MDGA2: variants seen among roughly 807,000 people sequenced by gnomAD.
The protein encoded by MDGA2 is MAM domain containing glycosylphosphatidylinositol anchor 2, also known as MAM domain-containing glycosylphosphatidylinositol anchor protein 2.
MDGA2 carries 40 observed loss-of-function variants against 117.8 expected under a neutral mutation model. The ratio of observed to expected loss-of-function variants is 0.34; its 90% CI spans 0.26 to 0.44. MDGA2 has a LOEUF of 0.44. MDGA2 is among the 20% of genes least tolerant of loss of function. The pLI is 1.00. For missense variants in MDGA2, 1,123 were observed against 1,250.6 expected, an observed-to-expected ratio of 0.90 and a Z score of 1.54; for synonymous variants, 452 against 439.0, an observed-to-expected ratio of 1.03 and a Z score of -0.37.
chr14:47,442,607 G>A (rs1223853636), intron 1 of MDGA2, among the ~76,000 whole-genome samples: 1 of 152,018 alleles, frequency 6.6e-6, no homozygotes, highest in Non-Finnish European at 1.5e-5. Flanking sequence ...TTTCCTACTT[G>A]GGCAAACAAA....
At chr14:47,165,539 G>C (rs1268674115) in intron 3 of MDGA2, among the ~76,000 whole-genome samples, 1 of 152,112 alleles carries the variant, frequency 6.6e-6, no homozygotes, top group East Asian at 1.9e-4. Context: ...GGGGAGGTAA[G>C]GGATAAAGGT....
At chr14:47,600,333 C>T (rs1027901182) in intron 1 of MDGA2, among the ~76,000 whole-genome samples, 2 of 151,854 alleles carry the variant, frequency 1.3e-5, no homozygotes, top group Non-Finnish European at 2.9e-5. Flanking sequence ...ACTAGAGAGG[C>T]TGAGGCATGA....
In MDGA2 at chr14:47,217,508, T is replaced by C. The variant is rs1886136718; in HGVS notation, c.595+513A>G. Among the ~76,000 whole-genome samples, 3 of 152,130 alleles carry C rather than the reference T, an allele frequency of 2.0e-5. No homozygotes were observed. In the South Asian group the frequency reaches 6.2e-4, roughly 32 times the overall value. ...TTGTCCAGGGTTGGTGCTGATTACT[T>C]TTAACAGAATTGGACCAAAAGCAGA... On this transcript the variant is annotated intron_variant, in intron 3 of 16. Coordinates refer to ENST00000399232, the MANE Select transcript of MDGA2 (RefSeq NM_001113498.3).
At chr14:47,397,883 C>A (rs888373980) in intron 1 of MDGA2, among the ~76,000 whole-genome samples, 2 of 152,052 alleles carry the variant, frequency 1.3e-5, no homozygotes, top group African/African-American at 4.8e-5. Context: ...TTATCAAGTG[C>A]ATTTGCCTCA....
chr14:47,493,324 T>C (rs962553343), intron 1 of MDGA2, among the ~76,000 whole-genome samples: 1 of 149,026 alleles, frequency 6.7e-6, no homozygotes, highest in Admixed American at 6.7e-5. Flanking sequence ...AAAATATATA[T>C]ATATATTTTG....
At position 46,847,699 on chromosome 14, in the gene MDGA2, A is replaced by C. The variant is rs926063268; in HGVS notation, c.2884-1828T>G. On this transcript the variant is annotated intron_variant, in intron 15 of 16. Coordinates refer to ENST00000399232, the MANE Select transcript of MDGA2 (RefSeq NM_001113498.3). ...CATTTTAAGGTGCAGAATATTCCAC[A>C]TTATGGATGTAATTTATTTAACCAG... is the stretch of plus-strand genomic sequence containing the variant. 3.9e-5 allele frequency among the ~76,000 whole-genome samples: 6 copies of C among 152,154 alleles called. No individual in the cohort carries two copies. The East Asian group carries it at 1.2e-3, about 29-fold the overall frequency.
chr14:47,431,797 A>G (rs1198169495), intron 1 of MDGA2, among the ~76,000 whole-genome samples: 1 of 151,938 alleles, frequency 6.6e-6, no homozygotes, highest in Non-Finnish European at 1.5e-5. Flanking sequence ...ATTTGTCTAC[A>G]TTACATTTTT....
At chr14:46,873,188 A>AGGG (rs1882084562) in intron 14 of MDGA2, 1 of 383,982 alleles carries the variant, frequency 2.6e-6, no homozygotes. Context: ...TAACTCATTG[A>AGGG]TTGTCTACCT....
At chr14:47,197,919 A>C (rs1379156429) in intron 3 of MDGA2, among the ~76,000 whole-genome samples, 1 of 152,158 alleles carries the variant, frequency 6.6e-6, no homozygotes, top group Non-Finnish European at 1.5e-5. Context: ...AAAAACAGAA[A>C]GGACCATAAC....
intron 14 of MDGA2, among the ~76,000 whole-genome samples, chr14:46,860,053 T>C (rs1171517081): frequency 6.6e-6 from 1 of 152,118 alleles, no homozygotes; most frequent in African/African-American, 2.4e-5. Context: ...AAATTTTCTT[T>C]AATTATTTAC....
intron 5 of MDGA2, among the ~76,000 whole-genome samples, chr14:47,105,825 A>G (rs755720984): frequency 6.6e-5 from 10 of 151,702 alleles, no homozygotes; most frequent in Middle Eastern, 3.2e-3. Flanking sequence ...CTACAGACCC[A>G]TCTGACCTCT....
chr14:47,350,181 A>C (rs1281359125), intron 1 of MDGA2, among the ~76,000 whole-genome samples: 3 of 152,124 alleles, frequency 2.0e-5, no homozygotes, highest in Non-Finnish European at 4.4e-5. Context: ...TTAAACAGTC[A>C]CCTGTAACTA....
chr14:47,037,013 G>A (rs929659150), intron 7 of MDGA2, among the ~76,000 whole-genome samples: 2 of 152,046 alleles, frequency 1.3e-5, no homozygotes, highest in African/African-American at 2.4e-5. Context: ...TGTTTAAAAC[G>A]GCTCCATTTT....
intron 3 of MDGA2, among the ~76,000 whole-genome samples, chr14:47,147,981 G>A (rs949403348): frequency 1.3e-5 from 2 of 152,024 alleles, no homozygotes; most frequent in African/African-American, 4.8e-5. Flanking sequence ...GTCTGTTTAT[G>A]ACCAAAATTG....
chr14:47,375,519 C>G (rs1246119608), intron 1 of MDGA2, among the ~76,000 whole-genome samples: 1 of 151,962 alleles, frequency 6.6e-6, no homozygotes, highest in Non-Finnish European at 1.5e-5. Context: ...CTAAATCTGC[C>G]ATTTTCTAAT....
chr14:47,264,434 T>C (rs1369213362), intron 2 of MDGA2, among the ~76,000 whole-genome samples: 3 of 152,182 alleles, frequency 2.0e-5, no homozygotes, highest in Non-Finnish European at 4.4e-5. Context: ...TAGTCTTCTA[T>C]GGCATTACTC....
chr14:46,865,753 G>A (rs1363330353), intron 14 of MDGA2, among the ~76,000 whole-genome samples: 1 of 151,958 alleles, frequency 6.6e-6, no homozygotes, highest in Non-Finnish European at 1.5e-5. Flanking sequence ...AATAACAGAT[G>A]AACAGAGAGC....
intron 2 of MDGA2, among the ~76,000 whole-genome samples, chr14:47,300,254 T>C (rs914714546): frequency 6.6e-6 from 1 of 152,204 alleles, no homozygotes; most frequent in Non-Finnish European, 1.5e-5. Flanking sequence ...ATACTTAAAA[T>C]ATGTAATTTT....
intron 1 of MDGA2, among the ~76,000 whole-genome samples, chr14:47,354,782 G>A (rs895081733): frequency 6.6e-6 from 1 of 152,156 alleles, no homozygotes; most frequent in African/African-American, 2.4e-5. Context: ...GGGGGATTGA[G>A]AGACATATCC....
Sources: gnomAD v4.1 joint callset for allele counts (sites outside exome capture counted in the v4.1 genomes callset) on GRCh38, gnomAD v4.1.1 for gene constraint, MANE v1.5 for transcripts, NCBI Gene and HGNC (gene_info 2026-07-23, HGNC 2026-07-21) for gene names.